ESRRB: variants seen among roughly 807,000 people sequenced by gnomAD.
ESRRB encodes steroid hormone receptor ERR2.
In ESRRB, 16 loss-of-function variants were observed where a neutral mutation model predicts 46.0. The observed-to-expected ratio is 0.35, with a 90% CI of 0.24 to 0.53. The LOEUF (loss-of-function observed/expected upper bound fraction) is 0.53. Ranked by LOEUF, ESRRB falls within the 20% of genes least tolerant of loss-of-function variation. The pLI, the probability that ESRRB is intolerant of heterozygous loss-of-function variation, is 0.93. For missense variants in ESRRB, 488 were observed against 607.4 expected, an observed-to-expected ratio of 0.80 and a Z score of 2.07; for synonymous variants, 246 against 259.6, an observed-to-expected ratio of 0.95 and a Z score of 0.50.
chr14:76,354,955 C>T (rs910798947), intron 1 of ESRRB, among the ~76,000 whole-genome samples: 1 of 152,108 alleles, frequency 6.6e-6, no homozygotes, highest in Non-Finnish European at 1.5e-5. Context: ...AGGTGATCCA[C>T]CCACCTCAGC....
At chr14:76,386,762 G>A (rs950783632) in intron 1 of ESRRB, among the ~76,000 whole-genome samples, 2 of 152,104 alleles carry the variant, frequency 1.3e-5, no homozygotes, top group African/African-American at 2.4e-5. Context: ...AATGTGTTAG[G>A]CTGGCCGTGC....
chr14:76,426,296 T>C (rs541677903), intron 1 of ESRRB, among the ~76,000 whole-genome samples: 1 of 151,804 alleles, frequency 6.6e-6, no homozygotes, highest in East Asian at 1.9e-4. Flanking sequence ...CTGTGGGAGA[T>C]TTTTATGGGC....
chr14:76,499,874 G>C lies in ESRRB; in HGVS notation c.*1416G>C. ...ATTTGTGCTCACAGGTTGGCCAAGAGCAGCTTAGAGGATCTCCCAAGGATG... is the reference window on the plus strand; with the variant it reads ...ATTTGTGCTCACAGGTTGGCCAAGACCAGCTTAGAGGATCTCCCAAGGATG... On this transcript the variant is annotated 3_prime_UTR_variant, in exon 7 of 7. Transcript: ENST00000644823. The C allele has an allele frequency of 6.2e-7, 1 of 1,614,218 alleles. No homozygotes were observed.
At chr14:76,331,193 G>T (rs1884009380) in intron 1 of ESRRB, among the ~76,000 whole-genome samples, 1 of 152,152 alleles carries the variant, frequency 6.6e-6, no homozygotes, top group African/African-American at 2.4e-5. Context: ...AATGACTTCT[G>T]ACCAGCCCTG....
intron 6 of ESRRB, among the ~76,000 whole-genome samples, chr14:76,492,130 C>A (rs117837801): frequency 0.043 from 6,580 of 152,316 alleles, 213 homozygotes; most frequent in Non-Finnish European, 0.069. Context: ...ATATTGCTTG[C>A]AACATGCTTG....
At chr14:76,453,755 G>A (rs545480978) in intron 2 of ESRRB, among the ~76,000 whole-genome samples, 5 of 151,972 alleles carry the variant, frequency 3.3e-5, no homozygotes, top group African/African-American at 1.2e-4. Flanking sequence ...GTACCACAGG[G>A]GCATGCCACC....
At chr14:76,310,920 A>G (rs1220415827) in intron 1 of ESRRB, 1 of 450,280 alleles carries the variant, frequency 2.2e-6, no homozygotes, top group Admixed American at 2.4e-5. Context: ...CAAGCATGTG[A>G]GTAACCCAAC....
chr14:76,481,652 G>C (rs1414531898), intron 3 of ESRRB, among the ~76,000 whole-genome samples: 1 of 152,212 alleles, frequency 6.6e-6, no homozygotes, highest in Non-Finnish European at 1.5e-5. Flanking sequence ...TTGTTGGCAA[G>C]TTAACCCTCC....
At chr14:76,315,410 A>G (rs77628405) in intron 1 of ESRRB, among the ~76,000 whole-genome samples, 10,073 of 152,178 alleles carry the variant, frequency 0.066, 500 homozygotes, top group Admixed American at 0.09. Flanking sequence ...GACAGTAGAG[A>G]GCTGCAGTTA....
chr14:76,321,812 G>A (rs1216334746), intron 1 of ESRRB, among the ~76,000 whole-genome samples: 1 of 152,084 alleles, frequency 6.6e-6, no homozygotes, highest in African/African-American at 2.4e-5. Context: ...GCGTGAACCT[G>A]GGAGGCGGAG....
chr14:76,497,066 T>C (rs1440294066), intron 6 of ESRRB, among the ~76,000 whole-genome samples: 1 of 151,544 alleles, frequency 6.6e-6, no homozygotes, highest in Non-Finnish European at 1.5e-5. Context: ...CGGGGGAGGA[T>C]GGAGAGGGCG....
upstream of ESRRB, among the ~76,000 whole-genome samples, chr14:76,375,606 G>A (rs926765575): frequency 2.9e-4 from 44 of 152,328 alleles, no homozygotes; most frequent in Admixed American, 1.6e-3. Context: ...ATGAGAACTG[G>A]GAAGGGAATC....
At chr14:76,493,168 T>A (rs559302032) in intron 6 of ESRRB, among the ~76,000 whole-genome samples, 40 of 152,284 alleles carry the variant, frequency 2.6e-4, no homozygotes, top group Non-Finnish European at 4.0e-4. Flanking sequence ...ATTTTATTTT[T>A]TTTTGAGACA....
intron 1 of ESRRB, among the ~76,000 whole-genome samples, chr14:76,392,190 G>A (rs1024276545): frequency 2.6e-5 from 4 of 152,220 alleles, no homozygotes; most frequent in Non-Finnish European, 5.9e-5. Flanking sequence ...AGTGGAAGCA[G>A]AGACACTGCG....
intron 3 of ESRRB, among the ~76,000 whole-genome samples, chr14:76,479,390 C>G (rs556749967): frequency 5.3e-5 from 8 of 152,322 alleles, no homozygotes; most frequent in African/African-American, 1.7e-4. Context: ...GTACTGTCCT[C>G]AGGAACACAT....
At chr14:76,328,263 C>T (rs1460416010) in intron 1 of ESRRB, among the ~76,000 whole-genome samples, 1 of 152,180 alleles carries the variant, frequency 6.6e-6, no homozygotes, top group Non-Finnish European at 1.5e-5. Flanking sequence ...ACACTGTGTG[C>T]ATTTTAGCAA....
At chr14:76,425,019 C>T (rs1887137461) in intron 1 of ESRRB, among the ~76,000 whole-genome samples, 1 of 152,146 alleles carries the variant, frequency 6.6e-6, no homozygotes. Flanking sequence ...CTGTAAATCC[C>T]ATTATAGGTG....
intron 1 of ESRRB, among the ~76,000 whole-genome samples, chr14:76,379,925 T>C (rs1884940997): frequency 6.6e-6 from 1 of 151,518 alleles, no homozygotes. Context: ...TTTATTCTAT[T>C]GATTTGGAGT....
chr14:76,344,987 A>G (rs1235097740), intron 1 of ESRRB, among the ~76,000 whole-genome samples: 1 of 152,162 alleles, frequency 6.6e-6, no homozygotes, highest in Non-Finnish European at 1.5e-5. Flanking sequence ...ATTGATGGGC[A>G]TTTGGGTTGG....
Sources: allele counts gnomAD v4.1 joint callset (sites outside exome capture counted in the v4.1 genomes callset), GRCh38; gene constraint gnomAD v4.1.1; transcripts MANE v1.5; gene names NCBI Gene and HGNC (gene_info 2026-07-23, HGNC 2026-07-21).